The following MAX variants were observed in gnomAD, a reference collection of about 807,000 sequenced individuals.
The protein encoded by MAX is MYC associated transcriptional regulator X.
Under a neutral mutation model 22.3 loss-of-function variants are expected in MAX, and 3 were observed. The ratio of observed to expected loss-of-function variants is 0.13; its 90% CI spans 0.06 to 0.35. The LOEUF is 0.35. Ranked by LOEUF, MAX falls within the 10% of genes least tolerant of loss-of-function variation. MAX has a pLI of 1.00. For synonymous variants in MAX, 72 were observed against 77.7 expected, an observed-to-expected ratio of 0.93 and a Z score of 0.39; for missense variants, 119 against 209.4, an observed-to-expected ratio of 0.57 and a Z score of 2.66.
chr14:65,099,177 C>T (rs1323596985), intron 2 of MAX, among the ~76,000 whole-genome samples: 1 of 152,108 alleles, frequency 6.6e-6, no homozygotes, highest in Non-Finnish European at 1.5e-5. Flanking sequence ...TTACCCTACA[C>T]AGTCACAATA....
chr14:65,038,931 G>A (rs974451710), intron 3 of MAX, among the ~76,000 whole-genome samples: 1 of 151,776 alleles, frequency 6.6e-6, no homozygotes, highest in Non-Finnish European at 1.5e-5. Flanking sequence ...GGGATATTTT[G>A]TCCTCTCAAT....
chr14:65,027,342 A>C lies in MAX; in HGVS notation c.172-21058T>G. 6.5e-7 allele frequency: 1 copy of C among 1,527,666 alleles called. No homozygotes were observed. Among genetic ancestry groups the C allele is most frequent in the East Asian group, 2.3e-5 (1 of 44,320 alleles). The allele number at this position is 1,527,666 out of a possible 1,614,324, so 94.6% of individuals were successfully genotyped here. A position where few individuals can be genotyped will look rare whatever the true frequency, so the allele number is the denominator to read the frequency against. ...ACAAGTGGGAGGAGAGGTTCCCCTCAACTTTTGAGGGAGTGGGGGATCATT... is the reference window on the plus strand; with the variant it reads ...ACAAGTGGGAGGAGAGGTTCCCCTCCACTTTTGAGGGAGTGGGGGATCATT... On this transcript the variant is annotated intron_variant, in intron 3 of 3. Coordinates refer to the MAX transcript ENST00000341653. This position sits in a 1 kb window ranked among gnomAD's most constrained non-coding sequence, Gnocchi z 5.7.
rs2062968266 is a variant in MAX, at chr14:65,069,897, G to A, written c.171+23811C>T. On this transcript the variant is annotated intron_variant, in intron 3 of 3. Coordinates refer to the MAX transcript ENST00000341653. This position sits in a 1 kb window ranked among gnomAD's most constrained non-coding sequence, Gnocchi z 4.6. ...CCTTGCTGCAGTAGGTATTCGCTGTGGACATGACATTCCTCCTCTTAGCTG... is the reference window on the plus strand; with the variant it reads ...CCTTGCTGCAGTAGGTATTCGCTGTAGACATGACATTCCTCCTCTTAGCTG... Among the ~76,000 whole-genome samples, 1 of 152,250 alleles carries A rather than the reference G, an allele frequency of 6.6e-6. No individual in the cohort carries two copies. Among genetic ancestry groups the A allele is most frequent in the Non-Finnish European group, 1.5e-5 (1 of 68,046 alleles).
intron 2 of MAX, among the ~76,000 whole-genome samples, chr14:65,101,116 A>T (rs1180576863): frequency 6.6e-6 from 1 of 152,210 alleles, no homozygotes; most frequent in Non-Finnish European, 1.5e-5. Context: ...GACTTGGTTA[A>T]AGGCGATTAC....
At chr14:65,073,302 C>A (rs1470338420), downstream of MAX, among the ~76,000 whole-genome samples, 3 of 152,214 alleles carry the variant, frequency 2.0e-5, no homozygotes, top group Non-Finnish European at 4.4e-5. Flanking sequence ...ATTCTGCTTA[C>A]TTCAGTCCCA....
Position 65,102,454 on chromosome 14 carries a change from C to T in MAX, c.-115G>A, listed in dbSNP as rs2063880185. ...AGTCCCCCCCACACACACACTCACTCACTCACTCACTCGCTCTCTCACTCA... is the reference window on the plus strand; with the variant it reads ...AGTCCCCCCCACACACACACTCACTTACTCACTCACTCGCTCTCTCACTCA... On this transcript the variant is annotated 5_prime_UTR_variant, in exon 1 of 5. Coordinates refer to ENST00000358664, the MANE Select transcript of MAX (RefSeq NM_002382.5). The T allele has an allele frequency of 6.5e-7, 1 of 1,535,428 alleles. No individual in the cohort carries two copies. The highest frequency in any genetic ancestry group is 2.0e-5 in the Admixed American group (1 of 50,646).
rs2063280464 is a variant in MAX, at chr14:65,084,653, T to A, written c.172-6617A>T. On this transcript the variant is annotated intron_variant, in intron 3 of 4. Coordinates refer to ENST00000358664, the MANE Select transcript of MAX (RefSeq NM_002382.5). The surrounding 1 kb of genome is among the most constrained non-coding windows in gnomAD (Gnocchi z 4.3). The stretch of plus-strand genomic sequence containing the variant: ...CATATTATAATTATAAATTTTAAAT[T>A]TTAAAAATTGAATGCAACCCCAATT... Among the ~76,000 whole-genome samples, 1 of 152,144 alleles carries A rather than the reference T, an allele frequency of 6.6e-6. No homozygotes were observed. Among genetic ancestry groups the A allele is most frequent in the Non-Finnish European group, 1.5e-5 (1 of 68,034 alleles).
chr14:65,017,628 TATC>T (rs1345094244), intron 3 of MAX, among the ~76,000 whole-genome samples: 1 of 152,142 alleles, frequency 6.6e-6, no homozygotes, highest in Non-Finnish European at 1.5e-5. Flanking sequence ...CTAAATTAAA[TATC>T]AACAGTAGAG....
In MAX at chr14:65,075,637, A is replaced by C. The variant is rs1411428186; in HGVS notation, c.*839T>G. 8 of 1,066,252 alleles carry C rather than the reference A, an allele frequency of 7.5e-6. No homozygotes were observed. Among genetic ancestry groups the C allele is most frequent in the Non-Finnish European group, 9.1e-6 (8 of 879,708 alleles). The allele number at this position is 1,066,252 out of a possible 1,614,324, so 66.0% of individuals were successfully genotyped here. ...TCACTCAGATTCAAATTTAAGTAGC[A>C]GGAAATAAATATCAAAACATCATCA... On this transcript the variant is annotated 3_prime_UTR_variant, in exon 5 of 5. Transcript: ENST00000358664. This position sits in a 1 kb window ranked among gnomAD's most constrained non-coding sequence, Gnocchi z 4.1.
rs59696788 is a variant in MAX, at chr14:65,093,305, A to G, written c.171+403T>C. On this transcript the variant is annotated intron_variant, in intron 3 of 4. Transcript: ENST00000358664. This position sits in a 1 kb window ranked among gnomAD's most constrained non-coding sequence, Gnocchi z 4.4. Reference sequence around the variant, plus strand: ...ACATTTCTGCAAGTGCTCATTTACAATAAAGTATTAACTTTGAACCATAGG... The same window carrying G: ...ACATTTCTGCAAGTGCTCATTTACAGTAAAGTATTAACTTTGAACCATAGG... Among the ~76,000 whole-genome samples, 7,216 of 116,000 alleles carry G rather than the reference A, an allele frequency of 0.062. 335 individuals carry two copies. Among genetic ancestry groups the G allele is most frequent in the East Asian group, 0.2 (964 of 4,820 alleles). 76.1% of individuals were successfully genotyped at this position (116,000 alleles called of 152,430 possible).
downstream of MAX, among the ~76,000 whole-genome samples, chr14:65,072,606 G>C (rs746812733): frequency 7.9e-5 from 12 of 152,146 alleles, no homozygotes; most frequent in Admixed American, 5.2e-4. Flanking sequence ...GGTGAGCCAC[G>C]GCACACTTTA....
intron 3 of MAX, among the ~76,000 whole-genome samples, chr14:65,091,299 T>G (rs2063503275): frequency 6.6e-6 from 1 of 152,238 alleles, no homozygotes; most frequent in Non-Finnish European, 1.5e-5. Context: ...GAAACAGCGC[T>G]GGCAGCTCGC....
intron 3 of MAX, among the ~76,000 whole-genome samples, chr14:65,055,779 G>A (rs577382644): frequency 6.6e-6 from 1 of 152,196 alleles, no homozygotes; most frequent in African/African-American, 2.4e-5. Context: ...AGCCTCCCAA[G>A]GTGCCAGGAT....
chr14:65,039,135 A>G (rs2062285274), intron 3 of MAX, among the ~76,000 whole-genome samples: 1 of 152,186 alleles, frequency 6.6e-6, no homozygotes, highest in Admixed American at 6.5e-5. Context: ...GCTGCTGGGG[A>G]GCTCTGCGAG....
In MAX at chr14:65,009,342, C is replaced by T. The variant is rs1440776261; in HGVS notation, c.172-3058G>A. 3.9e-5 allele frequency among the ~76,000 whole-genome samples: 6 copies of T among 152,094 alleles called. No individual in the cohort carries two copies. Among genetic ancestry groups the T allele is most frequent in the Admixed American group, 3.9e-4 (6 of 15,272 alleles). On this transcript the variant is annotated intron_variant, in intron 3 of 3. Transcript: ENST00000341653. The surrounding 1 kb of genome is among the most constrained non-coding windows in gnomAD (Gnocchi z 4.2). Reference sequence around the variant, plus strand: ...CAACATGTTATATTTCTTAATTTCACTGGCGCTTCACTAACTGCCTTATAA... The same window carrying T: ...CAACATGTTATATTTCTTAATTTCATTGGCGCTTCACTAACTGCCTTATAA...
In MAX at chr14:65,076,786, T is replaced by TG; in HGVS notation, c.296-124dup. The TG allele has an allele frequency of 9.0e-7, 1 of 1,105,478 alleles. No individual in the cohort carries two copies. The highest frequency in any genetic ancestry group is 1.4e-6 in the Non-Finnish European group (1 of 727,302). 68.5% of individuals were successfully genotyped at this position (1,105,478 alleles called of 1,614,324 possible). A position where few individuals can be genotyped will look rare whatever the true frequency, so the allele number is the denominator to read the frequency against. ...GCTTGTTGGCCCCCGAGGCTCAAGA[T>TG]GCTCAGAAGTAGCTCCCTTCGGGTG... is the stretch of plus-strand genomic sequence containing the variant. On this transcript the variant is annotated intron_variant, in intron 4 of 4. Transcript: ENST00000358664. This position sits in a 1 kb window ranked among gnomAD's most constrained non-coding sequence, Gnocchi z 6.6.
rs975713996 is a variant in MAX at position 65,069,914 on chromosome 14, T to G, written c.171+23794A>C. 1.3e-5 allele frequency among the ~76,000 whole-genome samples: 2 copies of G among 152,242 alleles called. No individual in the cohort carries two copies. Among genetic ancestry groups the G allele is most frequent in the African/African-American group, 4.8e-5 (2 of 41,460 alleles). On this transcript the variant is annotated intron_variant, in intron 3 of 3. Transcript: ENST00000341653. This position sits in a 1 kb window ranked among gnomAD's most constrained non-coding sequence, Gnocchi z 4.6. ...TTCGCTGTGGACATGACATTCCTCC[T>G]CTTAGCTGGCTGGTCTTGTTGTGGC...
chr14:65,083,931 A>G lies in MAX; in HGVS notation c.172-5895T>C, dbSNP rs1167330262. 3 of 1,327,800 alleles carry G rather than the reference A, an allele frequency of 2.3e-6. No homozygotes were observed. In the East Asian group the frequency reaches 9.2e-5, roughly 41 times the overall value. 82.3% of individuals were successfully genotyped at this position (1,327,800 alleles called of 1,614,324 possible). On this transcript the variant is annotated intron_variant, in intron 3 of 4. Transcript: ENST00000358664. ...CAAAACGAAAGAATATGCACAATAAATTTGGATCCACATTAAACTAGTTCA... is the reference window on the plus strand; with the variant it reads ...CAAAACGAAAGAATATGCACAATAAGTTTGGATCCACATTAAACTAGTTCA...
At chr14:65,046,008 A>G (rs1456223155) in intron 3 of MAX, among the ~76,000 whole-genome samples, 1 of 151,834 alleles carries the variant, frequency 6.6e-6, no homozygotes, top group Non-Finnish European at 1.5e-5. Flanking sequence ...TTTTTTTGAG[A>G]CGGAGTTTCA....
Sources: gnomAD v4.1 joint callset for allele counts (sites outside exome capture counted in the v4.1 genomes callset) on GRCh38, gnomAD v4.1.1 for gene constraint, Gnocchi (gnomAD v3.1) non-coding constraint, MANE v1.5 for transcripts, NCBI Gene and HGNC (gene_info 2026-07-23, HGNC 2026-07-21) for gene names.